CEP135: variants seen among roughly 807,000 people sequenced by gnomAD.
The protein encoded by CEP135 is centrosomal protein of 135 kDa.
Under a neutral mutation model 157.3 loss-of-function variants are expected in CEP135, and 142 were observed. The observed-to-expected ratio is 0.90, with a 90% CI of 0.79 to 1.04. CEP135 has a LOEUF of 1.04. Among genes scored for constraint, CEP135 ranks in the 50% least tolerant of loss-of-function variants. The pLI, the probability that CEP135 is intolerant of heterozygous loss-of-function variation, is 0.00. For missense variants in CEP135, 1,317 were observed against 1,309.2 expected (o/e 1.01, Z -0.09); for synonymous variants, 396 against 439.8 (o/e 0.90, Z 1.25).
In CEP135 at chr4:55,959,759, G is replaced by T; in HGVS notation, c.692G>T (p.Ser231Ile). The change falls in exon 6 of 26, where the codon AGC (serine) becomes ATC (isoleucine). Residue 231 changes from serine (S) to isoleucine (I), a missense_variant. By Grantham distance (142) the Ser-to-Ile change is moderately radical. Coordinates refer to ENST00000257287, the MANE Select transcript of CEP135 (RefSeq NM_025009.5). ...ATGGAAAGTGGGGTGAGAGACTATA[G>T]CAAGCAGGTAGGATTTTTATTTACT... Reference protein sequence around the residue: ...AMMESGVRDYSKQIELREREI... With the variant: ...AMMESGVRDYIKQIELREREI... The T allele has an allele frequency of 6.2e-7, 1 of 1,612,910 alleles. No individual in the cohort carries two copies. Among genetic ancestry groups the T allele is most frequent in the Non-Finnish European group, 8.5e-7 (1 of 1,178,906 alleles).
intron 20 of CEP135, 123 bp from the exon 21 acceptor site, chr4:56,011,677 C>T (rs1577907597): frequency 2.0e-6 from 2 of 975,626 alleles, no homozygotes; most frequent in East Asian, 5.3e-5. Flanking sequence ...GTGGTACCTG[C>T]ACAGATATCT....
rs1175955786 is a variant in CEP135, at chr4:56,011,890, G to A, written c.2707G>A (p.Glu903Lys). 6.2e-7 allele frequency: 1 copy of A among 1,607,550 alleles called. No homozygotes were observed. The highest frequency in any genetic ancestry group is 8.5e-7 in the Non-Finnish European group (1 of 1,176,734). ...WEVKAHQAEG[E>K]SSSVRLELLS... ...GGTCAAAGCCCATCAAGCTGAGGGA[G>A]AAAGCAGCTCAGTTCGACTGGAACT... The change falls in exon 21 of 26, where the codon GAA (glutamate) becomes AAA (lysine). Residue 903 changes from glutamate (E) to lysine (K), a missense_variant. By Grantham distance (56) the Glu-to-Lys change is moderately conservative (BLOSUM62 1). Transcript: ENST00000257287.
In CEP135 at chr4:55,971,432, T is replaced by C. The variant is rs760662400; in HGVS notation, c.1249+24T>C. On this transcript the variant is annotated intron_variant, in intron 10 of 25. Transcript: ENST00000257287. ...AGGTAAGATGTCAAATTTTGATAGCTAAAGAATGATTGTGATTTCCTCTTG... is the reference window on the plus strand; with the variant it reads ...AGGTAAGATGTCAAATTTTGATAGCCAAAGAATGATTGTGATTTCCTCTTG... The C allele has an allele frequency of 1.1e-5, 18 of 1,574,346 alleles. No individual in the cohort carries two copies. In the Admixed American group the frequency reaches 3.6e-4, roughly 31 times the overall value.
intron 17 of CEP135, among the ~76,000 whole-genome samples, chr4:56,000,848 G>A (rs1405479735): frequency 6.6e-6 from 1 of 152,032 alleles, no homozygotes; most frequent in South Asian, 2.1e-4. Context: ...CATAGTGGCT[G>A]TACTAATTTA....
chr4:56,009,319 C>G (rs964682999), intron 18 of CEP135, among the ~76,000 whole-genome samples: 1 of 152,132 alleles, frequency 6.6e-6, no homozygotes, highest in Non-Finnish European at 1.5e-5. Context: ...CGCCACCACA[C>G]CCGGCTATTT....
chr4:55,964,501 A>G lies in CEP135; in HGVS notation c.828+99A>G, dbSNP rs1056275834. 62 of 931,280 alleles carry G rather than the reference A, an allele frequency of 6.7e-5. 1 individual carries two copies. In the South Asian group the frequency reaches 1.8e-3, roughly 27 times the overall value. 57.7% of individuals were successfully genotyped at this position (931,280 alleles called of 1,614,324 possible). A position where few individuals can be genotyped will look rare whatever the true frequency, so the allele number is the denominator to read the frequency against. ...TCTATGGGTTTGTAAAAGTGGCAGG[A>G]GTTGTTCACTGAGGTATTATTTGCA... On this transcript the variant is annotated intron_variant, in intron 7 of 25. Transcript: ENST00000257287.
At chr4:55,954,448 G>A in intron 4 of CEP135, 65 bp downstream of exon 4, 1 of 1,362,080 alleles carries the variant, frequency 7.3e-7, no homozygotes, top group Non-Finnish European at 9.9e-7. Flanking sequence ...TAACACCATT[G>A]ACTAAAATAG....
chr4:56,017,705 T>A lies in CEP135; in HGVS notation c.2860T>A (p.Ser954Thr), dbSNP rs911801070. Reference sequence around the variant, plus strand: ...GATCTCATCAATGGCAAAAGCCATGTCTCGATTAGAAGAAGAGCTGAGACA... The same window carrying A: ...GATCTCATCAATGGCAAAAGCCATGACTCGATTAGAAGAAGAGCTGAGACA... ...SQISSMAKAM[S>T]RLEEELRHQE... The change falls in exon 22 of 26, where the codon TCT becomes ACT. Residue 954 changes from serine to threonine, a missense_variant. Coordinates refer to ENST00000257287, the MANE Select transcript of CEP135 (RefSeq NM_025009.5). 3 of 1,613,906 alleles carry A rather than the reference T, an allele frequency of 1.9e-6. No individual in the cohort carries two copies. The East Asian group carries it at 6.7e-5, about 36-fold the overall frequency.
At chr4:56,028,238 T>C (rs1001396875) in intron 25 of CEP135, among the ~76,000 whole-genome samples, 4 of 152,178 alleles carry the variant, frequency 2.6e-5, no homozygotes, top group African/African-American at 9.7e-5. Context: ...AGTATATACC[T>C]GAGACTAGAA....
At chr4:56,024,385 A>T in intron 24 of CEP135, 116 bp from the exon 25 acceptor site, 1 of 629,922 alleles carries the variant, frequency 1.6e-6, no homozygotes, top group Non-Finnish European at 2.7e-6. Flanking sequence ...ATTTAAATTT[A>T]ATAGTAATAC....
chr4:55,958,394 C>G (rs775651896), intron 5 of CEP135, among the ~76,000 whole-genome samples: 2 of 152,172 alleles, frequency 1.3e-5, no homozygotes, highest in Non-Finnish European at 2.9e-5. Flanking sequence ...GAGATTGAAC[C>G]ACTGCACTTC....
rs763072489 is a variant in CEP135, at chr4:55,952,197, C to T, written c.67C>T (p.Gln23Ter). The T allele has an allele frequency of 3.1e-6, 5 of 1,613,232 alleles. No homozygotes were observed. The African/African-American group carries it at 6.7e-5, about 22-fold the overall frequency. ...RKRLDQLGYR[Q>*]TLTVECLPLV... ...AAGGCTGGATCAGCTGGGATACCGC[C>T]AGACTCTGACAGTGGAGTGTTTACC... The change falls in exon 2 of 26, where the codon CAG becomes TAG. Residue 23 changes from glutamine (Q) to a stop codon, truncating the protein, a stop_gained. Transcript: ENST00000257287. LOFTEE classifies it high-confidence loss of function.
chr4:55,982,009 G>C (rs1050713445), intron 13 of CEP135, among the ~76,000 whole-genome samples: 1 of 152,050 alleles, frequency 6.6e-6, no homozygotes, highest in Non-Finnish European at 1.5e-5. Flanking sequence ...GTAAACCAGG[G>C]ACTATCTGTA....
rs1730598008 is a variant in CEP135 at position 56,011,890 on chromosome 4, G to GA, written c.2710dup (p.Ser904LysfsTer12). The stretch of plus-strand genomic sequence containing the variant: ...GGTCAAAGCCCATCAAGCTGAGGGA[G>GA]AAAGCAGCTCAGTTCGACTGGAACT... On this transcript the variant is annotated frameshift_variant, in exon 21 of 26. Transcript: ENST00000257287. LOFTEE classifies it high-confidence loss of function. The GA allele has an allele frequency of 6.2e-7, 1 of 1,607,432 alleles. No individual in the cohort carries two copies. The highest frequency in any genetic ancestry group is 1.1e-5 in the South Asian group (1 of 90,282).
chr4:55,965,823 G>GC lies in CEP135; in HGVS notation c.1009dup (p.Leu337ProfsTer2). On this transcript the variant is annotated frameshift_variant, in exon 8 of 26. Coordinates refer to ENST00000257287, the MANE Select transcript of CEP135 (RefSeq NM_025009.5). LOFTEE classifies it high-confidence loss of function. Reference sequence around the variant, plus strand: ...AGTTGGAAAGACATAAAGAAGAAGTGCTTGAGACTGCTGATAAAGAGCTTG... The same window carrying GC: ...AGTTGGAAAGACATAAAGAAGAAGTGCCTTGAGACTGCTGATAAAGAGCTTG... 6.2e-7 allele frequency: 1 copy of GC among 1,613,512 alleles called. No individual in the cohort carries two copies. The highest frequency in any genetic ancestry group is 8.5e-7 in the Non-Finnish European group (1 of 1,179,634).
intron 1 of CEP135, among the ~76,000 whole-genome samples, chr4:55,949,539 A>G (rs961941543): frequency 1.3e-5 from 2 of 152,178 alleles, no homozygotes; most frequent in Admixed American, 1.3e-4. Flanking sequence ...TCAATAAGAA[A>G]GGACTCTGAG....
chr4:56,000,845 G>A (rs1347069566), intron 17 of CEP135, among the ~76,000 whole-genome samples: 1 of 151,944 alleles, frequency 6.6e-6, no homozygotes, highest in Non-Finnish European at 1.5e-5. Flanking sequence ...TTCCATAGTG[G>A]CTGTACTAAT....
intron 5 of CEP135, among the ~76,000 whole-genome samples, chr4:55,958,220 A>G (rs1353476127): frequency 6.6e-6 from 1 of 152,202 alleles, no homozygotes; most frequent in Non-Finnish European, 1.5e-5. Flanking sequence ...GGATCGCTTG[A>G]ACCCATGAAT....
At chr4:56,024,844 G>A (rs990996466) in intron 25 of CEP135, among the ~76,000 whole-genome samples, 3 of 148,586 alleles carry the variant, frequency 2.0e-5, no homozygotes, top group African/African-American at 7.4e-5. Context: ...TTTTTTAAGA[G>A]ATGGGGTCTC....
Sources: gnomAD v4.1 joint callset for allele counts (sites outside exome capture counted in the v4.1 genomes callset) on GRCh38, gnomAD v4.1.1 for gene constraint, MANE v1.5 for transcripts, NCBI Gene and HGNC (gene_info 2026-07-23, HGNC 2026-07-21) for gene names.